The following DLGAP2 variants were observed in gnomAD, a reference collection of about 807,000 sequenced individuals.
DLGAP2 encodes the protein disks large-associated protein 2.
Under a neutral mutation model 100.3 loss-of-function variants are expected in DLGAP2, and 26 were observed. The observed-to-expected ratio is 0.26, with a 90% CI of 0.19 to 0.36. The LOEUF (loss-of-function observed/expected upper bound fraction) is 0.36. DLGAP2 is among the 10% of genes least tolerant of loss of function. DLGAP2 has a pLI of 1.00. For missense variants in DLGAP2, 1,858 were observed against 1,453.2 expected (o/e 1.28, Z -4.53); for synonymous variants, 886 against 630.1 (o/e 1.41, Z -6.08).
chr8:1,019,842 A>G (rs766583580), intron 2 of DLGAP2: 1 of 152,244 alleles, frequency 6.6e-6, no homozygotes, highest in Non-Finnish European at 1.5e-5. Flanking sequence ...AGGCAGAGCC[A>G]CTGGTTTCTT....
intron 2 of DLGAP2, among the ~76,000 whole-genome samples, chr8:948,436 C>CCCTT (rs1181811461): frequency 6.6e-6 from 1 of 152,216 alleles, no homozygotes; most frequent in African/African-American, 2.4e-5. Flanking sequence ...CCATGCCTTC[C>CCCTT]CCTTCCTTCC....
intron 2 of DLGAP2, among the ~76,000 whole-genome samples, chr8:949,917 A>C (rs1014132239): frequency 1.3e-5 from 2 of 152,186 alleles, no homozygotes; most frequent in African/African-American, 2.4e-5. Flanking sequence ...TTCTGCTAAC[A>C]GGAAATGGGA....
chr8:1,613,323 A>G (rs1202387978), intron 6 of DLGAP2, among the ~76,000 whole-genome samples: 1 of 150,246 alleles, frequency 6.7e-6, no homozygotes, highest in Admixed American at 6.6e-5. Flanking sequence ...ATTCTCACTC[A>G]TAGGTGGGAA....
At chr8:1,408,997 A>G (rs553907652) in intron 3 of DLGAP2, among the ~76,000 whole-genome samples, 11 of 152,368 alleles carry the variant, frequency 7.2e-5, no homozygotes, top group Admixed American at 5.9e-4. Flanking sequence ...CCTGAAAGAT[A>G]AATCCACCTA....
chr8:925,056 G>A (rs1052583088), intron 2 of DLGAP2, among the ~76,000 whole-genome samples: 5 of 152,162 alleles, frequency 3.3e-5, no homozygotes, highest in African/African-American at 4.8e-5. Flanking sequence ...TGTTGATAAT[G>A]GTTAAAGTGT....
At chr8:1,125,668 G>A (rs779801918) in intron 2 of DLGAP2, among the ~76,000 whole-genome samples, 10 of 152,180 alleles carry the variant, frequency 6.6e-5, no homozygotes, top group Admixed American at 6.5e-5. Context: ...CATCACAAAT[G>A]GATGTTTTCT....
At chr8:916,323 T>G (rs1235083642) in intron 2 of DLGAP2, among the ~76,000 whole-genome samples, 8 of 152,238 alleles carry the variant, frequency 5.3e-5, no homozygotes, top group Admixed American at 3.3e-4. Flanking sequence ...GTGGCACATA[T>G]GCACCATGGA....
chr8:1,097,967 G>A (rs1176239610), intron 2 of DLGAP2, among the ~76,000 whole-genome samples: 1 of 152,264 alleles, frequency 6.6e-6, no homozygotes, highest in Non-Finnish European at 1.5e-5. Context: ...GCCTTTGACT[G>A]AGTCTGCTTA....
intron 2 of DLGAP2, among the ~76,000 whole-genome samples, chr8:1,254,916 AGGTGCTGTGTGTGTGCCCTCTCCTGCCCG>A (rs1563043030): frequency 8.4e-5 from 8 of 94,726 alleles, no homozygotes; most frequent in South Asian, 3.2e-4. Context: ...TCTCCTGCCC[AGGTGCTGTGTGTGTGCCCTCTCCTGCCCG>A]GGTGCTGTGT....
intron 8 of DLGAP2, among the ~76,000 whole-genome samples, chr8:1,667,427 G>A (rs554459441): frequency 1.3e-5 from 2 of 152,276 alleles, no homozygotes; most frequent in South Asian, 4.2e-4. Flanking sequence ...GACGGCCACA[G>A]GTGAGCGTGG....
chr8:946,525 A>C (rs976023231), intron 2 of DLGAP2, among the ~76,000 whole-genome samples: 1 of 151,936 alleles, frequency 6.6e-6, no homozygotes, highest in Non-Finnish European at 1.5e-5. Context: ...GGCCTCCCAA[A>C]GTGCTGGGAT....
intron 6 of DLGAP2, among the ~76,000 whole-genome samples, chr8:1,579,254 A>G: frequency 6.6e-6 from 1 of 152,282 alleles, no homozygotes; most frequent in East Asian, 1.9e-4. Context: ...GATACTTCAT[A>G]TCATATGTAA....
In DLGAP2 at chr8:1,520,388, C is replaced by T. The variant is rs79723617; in HGVS notation, c.172+18957C>T. Among the ~76,000 whole-genome samples, 557 of 152,304 alleles carry T rather than the reference C, an allele frequency of 3.7e-3. 3 individuals carry two copies. Among genetic ancestry groups the T allele is most frequent in the African/African-American group, 0.013 (533 of 41,556 alleles). Reference sequence around the variant, plus strand: ...CCGTGTTCTTCACCCCTCGCACTGGCGTGGTGCATCTGTCACAATTGATGA... The same window carrying T: ...CCGTGTTCTTCACCCCTCGCACTGGTGTGGTGCATCTGTCACAATTGATGA... On this transcript the variant is annotated intron_variant, in intron 4 of 14. Transcript: ENST00000637795.
At chr8:1,646,941 G>A (rs186105418) in intron 8 of DLGAP2, among the ~76,000 whole-genome samples, 25 of 152,302 alleles carry the variant, frequency 1.6e-4, no homozygotes, top group Admixed American at 3.9e-4. Flanking sequence ...CCAGAGAAGC[G>A]TCGGAAAGGC....
chr8:1,007,208 C>T (rs532674559), intron 2 of DLGAP2, among the ~76,000 whole-genome samples: 1 of 151,992 alleles, frequency 6.6e-6, no homozygotes, highest in East Asian at 1.9e-4. Flanking sequence ...GGACACCGTG[C>T]ATCTCAAGTC....
chr8:1,691,638 C>A lies in DLGAP2; in HGVS notation c.2796+12C>A. The stretch of plus-strand genomic sequence containing the variant: ...GCCAACAGAATATGGTAAGTGAATC[C>A]TCAGTGAACCCCTGTTCCCTGTAAC... On this transcript the variant is annotated intron_variant, in intron 13 of 14. Coordinates refer to ENST00000637795, the MANE Select transcript of DLGAP2 (RefSeq NM_001346810.2). The A allele has an allele frequency of 6.2e-7, 1 of 1,605,330 alleles. No individual in the cohort carries two copies. The highest frequency in any genetic ancestry group is 8.5e-7 in the Non-Finnish European group (1 of 1,172,682).
At chr8:1,200,752 G>A (rs190388574) in intron 2 of DLGAP2, among the ~76,000 whole-genome samples, 1 of 151,698 alleles carries the variant, frequency 6.6e-6, no homozygotes, top group African/African-American at 2.4e-5. Context: ...TTACAGAGCT[G>A]TAATAACACG....
intron 3 of DLGAP2, among the ~76,000 whole-genome samples, chr8:1,469,989 C>CT (rs1224704330): frequency 7.8e-6 from 1 of 128,032 alleles, no homozygotes; most frequent in African/African-American, 3.2e-5. Flanking sequence ...GACCTCATCC[C>CT]TAAAAAAAAA....
chr8:1,288,934 A>G (rs1004509915), intron 3 of DLGAP2, among the ~76,000 whole-genome samples: 1 of 152,208 alleles, frequency 6.6e-6, no homozygotes. Flanking sequence ...AAGATTTTTA[A>G]CATGAAGTTC....
Sources: gnomAD v4.1 joint callset for allele counts (sites outside exome capture counted in the v4.1 genomes callset) on GRCh38, gnomAD v4.1.1 for gene constraint, MANE v1.5 for transcripts, NCBI Gene and HGNC (gene_info 2026-07-23, HGNC 2026-07-21) for gene names.